Variants in MDN1 observed in about 807,000 individuals in gnomAD.
MDN1 encodes the protein midasin AAA ATPase 1.
In MDN1, 266 loss-of-function variants were observed where a neutral mutation model predicts 669.2. The observed-to-expected ratio is 0.40, with a 90% CI of 0.36 to 0.44. The LOEUF (loss-of-function observed/expected upper bound fraction) is 0.44. Among genes scored for constraint, MDN1 ranks in the 20% least tolerant of loss-of-function variants. MDN1 has a pLI of 1.00. For synonymous variants in MDN1, 2,385 were observed against 2,457.1 expected (o/e 0.97, Z 0.87); for missense variants, 5,940 against 6,754.0 (o/e 0.88, Z 4.22).
chr6:89,780,155 C>G (rs914209466), intron 11 of MDN1, 57 bp downstream of exon 11: 1 of 922,196 alleles, frequency 1.1e-6, no homozygotes, highest in South Asian at 1.8e-5. Context: ...AAAATAACAA[C>G]GGAAGTCAAC....
intron 51 of MDN1, among the ~76,000 whole-genome samples, 158 bp from the exon 52 acceptor site, chr6:89,707,634 G>A (rs188803738): frequency 6.6e-6 from 1 of 152,330 alleles, no homozygotes; most frequent in Middle Eastern, 3.4e-3. Context: ...GGAGATGAAA[G>A]TGACAACTAC....
At chr6:89,758,753 T>A in intron 18 of MDN1, 63 bp downstream of exon 18, 6 of 1,549,978 alleles carry the variant, frequency 3.9e-6, no homozygotes, top group South Asian at 1.2e-5. Flanking sequence ...CAACAAAAAA[T>A]CTCACTCTAA....
chr6:89,660,728 T>C (rs578027104), intron 88 of MDN1, among the ~76,000 whole-genome samples: 1 of 152,324 alleles, frequency 6.6e-6, no homozygotes, highest in African/African-American at 2.4e-5. Flanking sequence ...ATTTTTGTTC[T>C]AATACAGCAT....
chr6:89,705,848 C>G (rs1813478743), intron 53 of MDN1, among the ~76,000 whole-genome samples: 1 of 152,082 alleles, frequency 6.6e-6, no homozygotes. Context: ...AAGACTTATA[C>G]ACTTTAAATA....
chr6:89,716,851 C>A, intron 43 of MDN1, 42 bp from the exon 44 acceptor site: 1 of 1,507,714 alleles, frequency 6.6e-7, no homozygotes, highest in South Asian at 1.3e-5. Context: ...CAGCACTTAA[C>A]TTCAAACAAA....
chr6:89,652,900 G>A (rs1272825028), intron 94 of MDN1, 92 bp downstream of exon 94: 1 of 1,338,570 alleles, frequency 7.5e-7, no homozygotes, highest in African/African-American at 1.5e-5. Context: ...GTTCCATAAA[G>A]TTCTAAAGAC....
chr6:89,652,024 A>C (rs1011828380), intron 95 of MDN1, among the ~76,000 whole-genome samples, 168 bp downstream of exon 95: 11 of 152,260 alleles, frequency 7.2e-5, no homozygotes, highest in Non-Finnish European at 4.4e-5. Flanking sequence ...CAAAGCAGCC[A>C]GAAACTGATG....
intron 12 of MDN1, among the ~76,000 whole-genome samples, chr6:89,775,353 C>T (rs928566188): frequency 6.6e-6 from 1 of 152,192 alleles, no homozygotes; most frequent in Non-Finnish European, 1.5e-5. Context: ...ACATATGTAT[C>T]ATTTAAGTCC....
Position 89,644,030 on chromosome 6 carries a change from A to AACTC in MDN1, c.16762_16765dup (p.Leu5589Ter). ...CTATGGGTGGTCAGAGGCTGTCACC[A>AACTC]ACTCAAACCACTGTCTGAGGGCATC... On this transcript the variant is annotated stop_gained and frameshift_variant, in exon 102 of 102. Transcript: ENST00000369393. LOFTEE classifies it high-confidence loss of function. The AACTC allele has an allele frequency of 6.2e-7, 1 of 1,612,830 alleles. No homozygotes were observed. Among genetic ancestry groups the AACTC allele is most frequent in the Non-Finnish European group, 8.5e-7 (1 of 1,179,390 alleles).
rs149996990 is a variant in MDN1, at chr6:89,787,905, C to T, written c.1283G>A (p.Arg428Gln). The T allele has an allele frequency of 1.6e-5, 26 of 1,613,556 alleles. No individual in the cohort carries two copies. The highest frequency in any genetic ancestry group is 5.0e-5 in the Admixed American group (3 of 59,948). The change falls in exon 8 of 102, where the codon CGA (arginine) becomes CAA (glutamine). Residue 428 changes from arginine to glutamine, a missense_variant. Arg to Gln is a conservative substitution (Grantham distance 43). This residue lies in a region of MDN1 where 1,203 missense variants were observed against 1,268.9 expected (regional missense o/e 0.95). Coordinates refer to ENST00000369393, the MANE Select transcript of MDN1 (RefSeq NM_014611.3). ...AGGTGCCACTTTCAGACAGTCACCT[C>T]GGCCAGGAATCAAGAGCTCTCCATT... ...LENGELLIPG[R>Q]GDCLKVAPGF...
chr6:89,738,676 G>A (rs1352995757), intron 32 of MDN1, among the ~76,000 whole-genome samples: 1 of 152,034 alleles, frequency 6.6e-6, no homozygotes, highest in African/African-American at 2.4e-5. Context: ...TAATAGACGT[G>A]GTCCAGAGGC....
intron 59 of MDN1, among the ~76,000 whole-genome samples, chr6:89,697,896 T>TA (rs1447016058): frequency 1.8e-4 from 28 of 151,830 alleles, no homozygotes; most frequent in South Asian, 4.2e-4. Context: ...CAATTTTTTT[T>TA]AAAAAAAAGC....
At chr6:89,718,007 C>G (rs1814523576) in intron 43 of MDN1, among the ~76,000 whole-genome samples, 1 of 152,134 alleles carries the variant, frequency 6.6e-6, no homozygotes, top group African/African-American at 2.4e-5. Flanking sequence ...TAAACACATC[C>G]TATGAATTCA....
At chr6:89,783,324 C>T (rs186424791) in intron 9 of MDN1, among the ~76,000 whole-genome samples, 156 of 152,154 alleles carry the variant, frequency 1.0e-3, no homozygotes, top group African/African-American at 3.5e-3. Flanking sequence ...CTGTCTTATG[C>T]GGTTAAGATA....
chr6:89,810,897 G>A (rs1429693529), intron 1 of MDN1, among the ~76,000 whole-genome samples: 3 of 152,100 alleles, frequency 2.0e-5, no homozygotes, highest in African/African-American at 2.4e-5. Flanking sequence ...GCTGAGGCAG[G>A]AGAATTGCTT....
At position 89,810,223 on chromosome 6, in the gene MDN1, G is replaced by A. The variant is rs1768318744; in HGVS notation, c.103-6669C>T. ...GGCTGAGGTGGGTGGATCACCTGAGGTCAGGAGTTCGAGACCAGCCTGAGC... is the reference window on the plus strand; with the variant it reads ...GGCTGAGGTGGGTGGATCACCTGAGATCAGGAGTTCGAGACCAGCCTGAGC... On this transcript the variant is annotated intron_variant, in intron 1 of 101. Coordinates refer to ENST00000369393, the MANE Select transcript of MDN1 (RefSeq NM_014611.3). Among the ~76,000 whole-genome samples the A allele has an allele frequency of 2.6e-5, 4 of 151,842 alleles. No homozygotes were observed. The South Asian group carries it at 8.3e-4, about 32-fold the overall frequency.
intron 59 of MDN1, among the ~76,000 whole-genome samples, chr6:89,697,187 G>C (rs1043159137): frequency 6.6e-6 from 1 of 152,196 alleles, no homozygotes; most frequent in Non-Finnish European, 1.5e-5. Flanking sequence ...TTTCACATGA[G>C]AGTGGAAAGG....
At position 89,785,079 on chromosome 6, in the gene MDN1, G is replaced by A. The variant is rs1818883246; in HGVS notation, c.1382C>T (p.Ala461Val). 6.2e-7 allele frequency: 1 copy of A among 1,613,994 alleles called. No individual in the cohort carries two copies. Among genetic ancestry groups the A allele is most frequent in the African/African-American group, 1.3e-5 (1 of 74,926 alleles). Residue 461 changes from alanine (A) to valine (V), a missense_variant, in exon 9 of 102, where the codon GCT (alanine) becomes GTT (valine). Physicochemically the swap from Ala to Val is moderately conservative, Grantham distance 64. Around this residue, in one of 5 missense-constraint regions of MDN1, gnomAD observed 1,203 missense variants for 1,268.9 expected, o/e 0.95. Transcript: ENST00000369393. Reference sequence around the variant, plus strand: ...GGTCCAATATTTGTCTAGCAAAGTAGCATGACTGTTTAGCGGTCGATACCA... The same window carrying A: ...GGTCCAATATTTGTCTAGCAAAGTAACATGACTGTTTAGCGGTCGATACCA... ...GNWYRPLNSH[A>V]TLLDKYWTKI... is the part of the protein sequence containing the mutation.
At position 89,674,459 on chromosome 6, in the gene MDN1, G is replaced by C. The variant is rs1811046787; in HGVS notation, c.12892C>G (p.Gln4298Glu). The C allele has an allele frequency of 6.2e-7, 1 of 1,613,744 alleles. No individual in the cohort carries two copies. Among genetic ancestry groups the C allele is most frequent in the African/African-American group, 1.3e-5 (1 of 74,938 alleles). ...ERLQHLAMQC[Q>E]ILLEQLSWLL... ...CAGGAGAGCTGCTCAAGCAGGATCT[G>C]GCACTGCATGGCCAGGTGCTGCAGG... Residue 4298 changes from glutamine to glutamate, a missense_variant, in exon 79 of 102, where the codon CAG becomes GAG. This residue lies in a region of MDN1 where 2,280 missense variants were observed against 2,576.3 expected (regional missense o/e 0.88). Coordinates refer to ENST00000369393, the MANE Select transcript of MDN1 (RefSeq NM_014611.3).
Sources: gnomAD v4.1 joint callset for allele counts (sites outside exome capture counted in the v4.1 genomes callset) on GRCh38, gnomAD v4.1.1 for gene constraint, gnomAD v4.1.1 regional missense constraint, MANE v1.5 for transcripts, NCBI Gene and HGNC (gene_info 2026-07-23, HGNC 2026-07-21) for gene names.